ASIC2: variants seen among roughly 807,000 people sequenced by gnomAD.
ASIC2 encodes acid sensing ion channel subunit 2.
In ASIC2, 25 loss-of-function variants were observed where a neutral mutation model predicts 57.3. The ratio of observed to expected loss-of-function variants is 0.44; its 90% CI spans 0.32 to 0.61. The LOEUF is 0.61. ASIC2 is among the 20% of genes least tolerant of loss of function. The pLI is 0.06. For synonymous variants in ASIC2, 319 were observed against 307.5 expected (o/e 1.04, Z -0.39); for missense variants, 641 against 738.1 (o/e 0.87, Z 1.52).
In ASIC2 at chr17:33,160,657, G is replaced by A. The variant is rs1905136745; in HGVS notation, c.709-48590C>T. 1.4e-5 allele frequency among the ~76,000 whole-genome samples: 2 copies of A among 138,352 alleles called. 1 individual carries two copies. The highest frequency in any genetic ancestry group is 4.9e-4 in the South Asian group (2 of 4,110). The allele number at this position is 138,352 out of a possible 152,430, so 90.8% of individuals were successfully genotyped here. A position where few individuals can be genotyped will look rare whatever the true frequency, so the allele number is the denominator to read the frequency against. On this transcript the variant is annotated intron_variant, in intron 1 of 9. Transcript: ENST00000225823. ...TGCTATTTCTTTAAAACACATCTGA[G>A]AGAGGTGGGACAGAGCAGGAATGCC...
At chr17:33,789,095 C>T (rs966401266) in intron 1 of ASIC2, among the ~76,000 whole-genome samples, 23 of 152,170 alleles carry the variant, frequency 1.5e-4, no homozygotes, top group African/African-American at 5.3e-4. Context: ...TAAGACATGC[C>T]TGCCCCGTTC....
intron 1 of ASIC2, among the ~76,000 whole-genome samples, chr17:33,871,546 T>A (rs1180123183): frequency 6.6e-6 from 1 of 152,132 alleles, no homozygotes; most frequent in African/African-American, 2.4e-5. Flanking sequence ...GTGTGTGTGA[T>A]GCTTTTCTCC....
intron 1 of ASIC2, among the ~76,000 whole-genome samples, chr17:33,241,703 C>T (rs907615606): frequency 1.3e-5 from 2 of 152,186 alleles, no homozygotes; most frequent in Non-Finnish European, 2.9e-5. Flanking sequence ...CCACTGGATT[C>T]TACCCAGGAC....
intron 1 of ASIC2, 22 bp from the exon 2 acceptor site, chr17:33,112,089 G>A (rs1182172400): frequency 6.2e-7 from 1 of 1,602,356 alleles, no homozygotes; most frequent in South Asian, 1.1e-5. Context: ...AAGAGAGAGA[G>A]AGAGAGAAGC....
At chr17:33,163,696 A>C (rs139919085) in intron 1 of ASIC2, among the ~76,000 whole-genome samples, 1 of 152,064 alleles carries the variant, frequency 6.6e-6, no homozygotes, top group Non-Finnish European at 1.5e-5. Flanking sequence ...TGTGGATCTC[A>C]CATCCTAGCG....
chr17:33,032,987 G>A (rs2091891062), intron 3 of ASIC2, among the ~76,000 whole-genome samples: 1 of 151,752 alleles, frequency 6.6e-6, no homozygotes, highest in Admixed American at 6.6e-5. Context: ...ATACAATGTT[G>A]GGCTGAGCAT....
At chr17:33,580,028 C>G (rs1055214285) in intron 1 of ASIC2, 3 of 152,126 alleles carry the variant, frequency 2.0e-5, no homozygotes, top group African/African-American at 7.2e-5. Context: ...TGGTGCATTT[C>G]CAATCCTTTA....
At chr17:34,143,734 G>A (rs1245775714) in intron 1 of ASIC2, among the ~76,000 whole-genome samples, 1 of 152,198 alleles carries the variant, frequency 6.6e-6, no homozygotes, top group Non-Finnish European at 1.5e-5. Context: ...TTCAGGGAAA[G>A]ATGGGCTTAG....
At chr17:33,313,262 G>A (rs1313555471) in intron 1 of ASIC2, among the ~76,000 whole-genome samples, 1 of 151,588 alleles carries the variant, frequency 6.6e-6, no homozygotes, top group Non-Finnish European at 1.5e-5. Flanking sequence ...AGGAGTTTGT[G>A]GTTTCAGTGA....
chr17:33,490,503 A>G (rs1177293747), intron 1 of ASIC2, among the ~76,000 whole-genome samples: 1 of 152,220 alleles, frequency 6.6e-6, no homozygotes, highest in Non-Finnish European at 1.5e-5. Flanking sequence ...AGGTGGAGAT[A>G]ATTGAATCAT....
At chr17:34,139,109 T>G (rs1188767455) in intron 1 of ASIC2, among the ~76,000 whole-genome samples, 3 of 152,202 alleles carry the variant, frequency 2.0e-5, no homozygotes, top group African/African-American at 7.2e-5. Flanking sequence ...TTAAAGGTAT[T>G]GTGGTGTCAT....
chr17:33,894,619 C>T (rs1158256720), intron 1 of ASIC2, among the ~76,000 whole-genome samples: 1 of 152,084 alleles, frequency 6.6e-6, no homozygotes, highest in East Asian at 1.9e-4. Flanking sequence ...CTTGAGCAAT[C>T]TTTGATGGGC....
intron 1 of ASIC2, among the ~76,000 whole-genome samples, chr17:34,096,649 T>A (rs577192133): frequency 6.6e-6 from 1 of 151,722 alleles, no homozygotes; most frequent in East Asian, 2.0e-4. Context: ...GGTCAGGAGA[T>A]CATGACCATC....
At chr17:33,075,032 G>A (rs1379956728) in intron 3 of ASIC2, among the ~76,000 whole-genome samples, 1 of 152,144 alleles carries the variant, frequency 6.6e-6, no homozygotes, top group Non-Finnish European at 1.5e-5. Flanking sequence ...TCCCCTCTGA[G>A]AGGTGGTAAT....
intron 1 of ASIC2, among the ~76,000 whole-genome samples, chr17:33,830,355 G>T (rs543682489): frequency 6.6e-6 from 1 of 151,978 alleles, no homozygotes; most frequent in Admixed American, 6.5e-5. Context: ...CCTCCTTTTT[G>T]TCAAAATAAA....
chr17:34,121,558 C>T (rs557146894), intron 1 of ASIC2, among the ~76,000 whole-genome samples: 2 of 152,300 alleles, frequency 1.3e-5, no homozygotes, highest in Admixed American at 1.3e-4. Context: ...CTCCAATCTA[C>T]AACCCACGCT....
intron 1 of ASIC2, among the ~76,000 whole-genome samples, chr17:33,756,537 G>C (rs1304427351): frequency 6.6e-6 from 1 of 151,784 alleles, no homozygotes; most frequent in Non-Finnish European, 1.5e-5. Context: ...CCACTGTCCT[G>C]CCACCTGCAC....
chr17:33,465,141 T>C (rs1425108037), intron 1 of ASIC2, among the ~76,000 whole-genome samples: 1 of 152,190 alleles, frequency 6.6e-6, no homozygotes, highest in Non-Finnish European at 1.5e-5. Flanking sequence ...GAGTGGGCCA[T>C]ATTTCATGCT....
At chr17:33,870,404 C>T (rs1339606172) in intron 1 of ASIC2, among the ~76,000 whole-genome samples, 2 of 151,570 alleles carry the variant, frequency 1.3e-5, no homozygotes, top group African/African-American at 4.8e-5. Context: ...AATTTAAAAA[C>T]TAGAATTCCT....
Sources: gnomAD v4.1 joint callset for allele counts (sites outside exome capture counted in the v4.1 genomes callset) on GRCh38, gnomAD v4.1.1 for gene constraint, MANE v1.5 for transcripts, NCBI Gene and HGNC (gene_info 2026-07-23, HGNC 2026-07-21) for gene names.